The following SLC30A10 variants were observed in gnomAD, a reference collection of about 807,000 sequenced individuals.
The protein encoded by SLC30A10 is solute carrier family 30 member 10.
SLC30A10 carries 8 observed loss-of-function variants against 21.7 expected under a neutral mutation model. The observed-to-expected ratio is 0.37, with a 90% CI of 0.22 to 0.67. The LOEUF is 0.67. Ranked by LOEUF, SLC30A10 falls within the 30% of genes least tolerant of loss-of-function variation. SLC30A10 has a pLI of 0.58. For missense variants in SLC30A10, 521 were observed against 642.5 expected, an observed-to-expected ratio of 0.81 and a Z score of 2.04; for synonymous variants, 272 against 279.4, an observed-to-expected ratio of 0.97 and a Z score of 0.26.
intron 2 of SLC30A10, among the ~76,000 whole-genome samples, chr1:219,920,226 C>G (rs1453326333): frequency 1.3e-5 from 2 of 152,162 alleles, no homozygotes; most frequent in Admixed American, 1.3e-4. Flanking sequence ...TTTCTCCCAA[C>G]ACCCCACCCC....
chr1:219,934,273 G>C (rs2102539644), intron 1 of SLC30A10, among the ~76,000 whole-genome samples: 1 of 151,942 alleles, frequency 6.6e-6, no homozygotes, highest in South Asian at 2.1e-4. Flanking sequence ...GGGCAACAGA[G>C]CAAAACTCCG....
chr1:219,911,731 A>T lies in SLC30A10; in HGVS notation c.*3718T>A, dbSNP rs1659419998. Among the ~76,000 whole-genome samples the T allele has an allele frequency of 6.6e-6, 1 of 152,184 alleles. No homozygotes were observed. On this transcript the variant is annotated 3_prime_UTR_variant, in exon 4 of 4. Coordinates refer to ENST00000366926, the MANE Select transcript of SLC30A10 (RefSeq NM_018713.3). ...TTAAAGAGCAAATTCTGCAGAATTA[A>T]TTATTAAAAAGACTATGGGACTTTG... is the stretch of plus-strand genomic sequence containing the variant.
upstream of SLC30A10, among the ~76,000 whole-genome samples, chr1:219,930,571 G>A (rs1388707274): frequency 6.6e-6 from 1 of 152,074 alleles, no homozygotes; most frequent in African/African-American, 2.4e-5. Flanking sequence ...TATTTCTGAG[G>A]TCCATAACAG....
rs1251422594 is a variant in SLC30A10 at position 219,927,654 on chromosome 1, A to C, written c.640+147T>G. The stretch of plus-strand genomic sequence containing the variant: ...TGGATTTATTAAAAAAAAAAAAAAA[A>C]AAAAAAAAAAAAAACAACAACAACA... On this transcript the variant is annotated intron_variant, in intron 1 of 3. Transcript: ENST00000366926. 1.0e-3 allele frequency: 559 copies of C among 555,600 alleles called. 8 individuals carry two copies. The African/African-American group carries it at 0.025, about 24-fold the overall frequency. 34.4% of individuals were successfully genotyped at this position (555,600 alleles called of 1,614,324 possible).
intron 1 of SLC30A10, among the ~76,000 whole-genome samples, chr1:219,945,305 A>T (rs1179463545): frequency 6.6e-6 from 1 of 152,240 alleles, no homozygotes; most frequent in African/African-American, 2.4e-5. Flanking sequence ...AACTCATTGT[A>T]TGAATGTAAA....
At chr1:219,916,975 T>G (rs997161464) in intron 3 of SLC30A10, among the ~76,000 whole-genome samples, 3 of 149,758 alleles carry the variant, frequency 2.0e-5, no homozygotes, top group Admixed American at 6.6e-5. Context: ...GGGGTTTTTT[T>G]TTTTTTTTTT....
At chr1:219,956,550 A>G (rs1660355302) in intron 1 of SLC30A10, among the ~76,000 whole-genome samples, 1 of 152,082 alleles carries the variant, frequency 6.6e-6, no homozygotes, top group African/African-American at 2.4e-5. Context: ...ACTGGGGCAC[A>G]CACCTATAAT....
At position 219,911,165 on chromosome 1, in the gene SLC30A10, T is replaced by TTTTTTTTTG. The variant is rs1659407486; in HGVS notation, c.*4283_*4284insCAAAAAAAA. ...TCTACATCAGTTTTTTTTTTTTTTT[T>TTTTTTTTTG]TTTTTTTTTGCAGTCTTTTACTACA... On this transcript the variant is annotated 3_prime_UTR_variant, in exon 4 of 4. Coordinates refer to ENST00000366926, the MANE Select transcript of SLC30A10 (RefSeq NM_018713.3). Among the ~76,000 whole-genome samples the TTTTTTTTTG allele has an allele frequency of 6.9e-6, 1 of 145,494 alleles. No homozygotes were observed. Among genetic ancestry groups the TTTTTTTTTG allele is most frequent in the Admixed American group, 6.9e-5 (1 of 14,452 alleles).
At chr1:219,921,502 G>A (rs1032752148) in intron 2 of SLC30A10, among the ~76,000 whole-genome samples, 1 of 151,940 alleles carries the variant, frequency 6.6e-6, no homozygotes, top group African/African-American at 2.4e-5. Flanking sequence ...TACCCCCTAA[G>A]AATTACATAA....
intron 2 of SLC30A10, among the ~76,000 whole-genome samples, chr1:219,921,167 G>A (rs1374694104): frequency 2.0e-5 from 3 of 152,206 alleles, no homozygotes; most frequent in Admixed American, 1.3e-4. Flanking sequence ...ATATAAGCAA[G>A]AATTTAGCTT....
upstream of SLC30A10, among the ~76,000 whole-genome samples, chr1:219,929,825 A>T (rs1415508278): frequency 6.6e-6 from 1 of 152,014 alleles, no homozygotes; most frequent in Non-Finnish European, 1.5e-5. Flanking sequence ...CCTGGCCAAG[A>T]CTCTTCTATT....
At chr1:219,945,538 A>G (rs1660175799) in intron 1 of SLC30A10, among the ~76,000 whole-genome samples, 1 of 152,248 alleles carries the variant, frequency 6.6e-6, no homozygotes, top group South Asian at 2.1e-4. Context: ...TGCAACACAG[A>G]ACAACAAAAA....
chr1:219,954,483 C>CTTGA (rs1202638088), intron 1 of SLC30A10, among the ~76,000 whole-genome samples: 2 of 151,820 alleles, frequency 1.3e-5, no homozygotes, highest in Non-Finnish European at 2.9e-5. Context: ...AGTTCAAGAC[C>CTTGA]AGCCTGGCCA....
chr1:219,935,805 CATGT>C (rs755159987), intron 1 of SLC30A10, among the ~76,000 whole-genome samples: 2 of 152,118 alleles, frequency 1.3e-5, no homozygotes, highest in Non-Finnish European at 2.9e-5. Context: ...TTTATAAAAT[CATGT>C]ATGTCCCCTT....
Position 219,927,814 on chromosome 1 carries a change from G to A in SLC30A10, c.627C>T (p.Phe209=), listed in dbSNP as rs925558667. ...ACCGAAAGGCACCTGCTACGTTTGC[G>A]AACACGGTCGCCCCCTTCTCCCGCT... is the stretch of plus-strand genomic sequence containing the variant. ...ERKREKGATV[F]ANVAGDSFNT... Residue 209 remains phenylalanine (F), a synonymous_variant, in exon 1 of 4, where the codon TTC becomes TTT. Coordinates refer to ENST00000366926, the MANE Select transcript of SLC30A10 (RefSeq NM_018713.3). The A allele has an allele frequency of 1.3e-6, 2 of 1,544,044 alleles. No homozygotes were observed. Among genetic ancestry groups the A allele is most frequent in the African/African-American group, 1.4e-5 (1 of 70,562 alleles).
chr1:219,915,371 C>A lies in SLC30A10; in HGVS notation c.*78G>T. 1 of 1,542,832 alleles carries A rather than the reference C, an allele frequency of 6.5e-7. No homozygotes were observed. On this transcript the variant is annotated 3_prime_UTR_variant, in exon 4 of 4. Transcript: ENST00000366926. ...TGCAAGTCTAGTCTGGGCCTACAAC[C>A]CAGAAAGCTCTTTTTGTGAGCCAAG...
intron 1 of SLC30A10, among the ~76,000 whole-genome samples, chr1:219,950,417 A>G (rs1446405664): frequency 6.6e-6 from 1 of 152,182 alleles, no homozygotes; most frequent in Non-Finnish European, 1.5e-5. Context: ...AGGTGGGTGG[A>G]TCACGAAGTC....
intron 1 of SLC30A10, among the ~76,000 whole-genome samples, chr1:219,936,852 C>G (rs1049912319): frequency 1.2e-4 from 19 of 152,184 alleles, no homozygotes; most frequent in African/African-American, 4.1e-4. Flanking sequence ...TTGACAGTTT[C>G]CAAAACACTT....
upstream of SLC30A10, chr1:219,928,735 C>T (rs1028472355): frequency 2.8e-6 from 1 of 357,764 alleles, no homozygotes; most frequent in East Asian, 5.4e-5. The surrounding 1 kb of genome is among the most constrained non-coding windows in gnomAD (Gnocchi z 6.3). Flanking sequence ...GGCCACGAGC[C>T]GATGTCTCTC....
Sources: gnomAD v4.1 joint callset for allele counts (sites outside exome capture counted in the v4.1 genomes callset) on GRCh38, gnomAD v4.1.1 for gene constraint, Gnocchi (gnomAD v3.1) non-coding constraint, MANE v1.5 for transcripts, NCBI Gene and HGNC (gene_info 2026-07-23, HGNC 2026-07-21) for gene names.